Variants in CAPN11 observed in about 807,000 individuals in gnomAD.
CAPN11 encodes the protein calpain 11, also known as calpain-11.
In CAPN11, 108 loss-of-function variants were observed where a neutral mutation model predicts 105.3. The observed-to-expected ratio is 1.03, with a 90% CI of 0.88 to 1.20. CAPN11 has a LOEUF of 1.20. CAPN11 is among the 50% of genes most tolerant of loss of function. CAPN11 has a pLI of 0.00. For missense variants in CAPN11, 883 were observed against 924.8 expected (o/e 0.95, Z 0.59); for synonymous variants, 329 against 344.5 (o/e 0.96, Z 0.50).
At chr6:44,171,536 G>A (rs1265776151) in intron 4 of CAPN11, among the ~76,000 whole-genome samples, 3 of 152,174 alleles carry the variant, frequency 2.0e-5, no homozygotes, top group Non-Finnish European at 4.4e-5. Flanking sequence ...CTCAAAGAAA[G>A]CAGGTTACTG....
chr6:44,173,726 C>G (rs1213161979), intron 7 of CAPN11, among the ~76,000 whole-genome samples: 1 of 151,794 alleles, frequency 6.6e-6, no homozygotes, highest in Non-Finnish European at 1.5e-5. Flanking sequence ...GGGATTACAG[C>G]CGTGTGCCAC....
intron 15 of CAPN11, 27 bp from the exon 16 acceptor site, chr6:44,180,570 G>T (rs368909984): frequency 2.2e-5 from 35 of 1,613,658 alleles, no homozygotes; most frequent in Non-Finnish European, 2.9e-5. Context: ...TTCTGACCAG[G>T]TCCCTTTCCT....
At chr6:44,166,893 T>C in intron 2 of CAPN11, 64 bp downstream of exon 2, 1 of 1,103,716 alleles carries the variant, frequency 9.1e-7, no homozygotes, top group Non-Finnish European at 1.3e-6. Flanking sequence ...TTCACTCTCT[T>C]CTCTTCCCCT....
intron 4 of CAPN11, among the ~76,000 whole-genome samples, chr6:44,170,981 G>T (rs898138675): frequency 2.6e-4 from 39 of 152,132 alleles, no homozygotes; most frequent in African/African-American, 9.4e-4. Flanking sequence ...GCAAGGTGTG[G>T]GCAGAGCAGA....
chr6:44,172,897 T>C, intron 5 of CAPN11, 43 bp from the exon 6 acceptor site: 5 of 1,600,758 alleles, frequency 3.1e-6, no homozygotes, highest in South Asian at 1.1e-5. Flanking sequence ...AGGCGCTTGA[T>C]GATAGGGTTC....
chr6:44,181,084 C>G, intron 18 of CAPN11, 87 bp downstream of exon 18: 1 of 1,294,826 alleles, frequency 7.7e-7, no homozygotes, highest in South Asian at 1.2e-5. Flanking sequence ...GCCACGTCCT[C>G]CTCCCTGATG....
chr6:44,176,868 C>T lies in CAPN11; in HGVS notation c.1107C>T (p.Phe369=). ...CCTACCAAGATTTCCTGAACAACTT[C>T]ACGCTCCTGGAGATCTGCAACCTCA... ...WMSYQDFLNN[F]TLLEICNLTP... Residue 369 remains phenylalanine, a synonymous_variant, in exon 11 of 23, where the codon TTC becomes TTT. Transcript: ENST00000398776. 1 of 1,613,948 alleles carries T rather than the reference C, an allele frequency of 6.2e-7. No homozygotes were observed. The highest frequency in any genetic ancestry group is 1.1e-5 in the South Asian group (1 of 91,076).
intron 1 of CAPN11, among the ~76,000 whole-genome samples, chr6:44,161,535 A>G (rs1768806573): frequency 6.6e-6 from 1 of 152,166 alleles, no homozygotes; most frequent in South Asian, 2.1e-4. Context: ...GGTGGTGTGG[A>G]TAGGTGTGTC....
chr6:44,166,457 A>G (rs1769869709), intron 1 of CAPN11, among the ~76,000 whole-genome samples: 1 of 152,140 alleles, frequency 6.6e-6, no homozygotes, highest in South Asian at 2.1e-4. Context: ...CGTGCCTGGC[A>G]CAGAGAAGGT....
chr6:44,160,720 T>C (rs1768629946), intron 1 of CAPN11, among the ~76,000 whole-genome samples: 1 of 152,222 alleles, frequency 6.6e-6, no homozygotes, highest in South Asian at 2.1e-4. Context: ...GAAAGCTTCC[T>C]GTCCATTCAT....
rs1774205853 is a variant in CAPN11, at chr6:44,184,088, C to T, written c.*156C>T. On this transcript the variant is annotated 3_prime_UTR_variant, in exon 23 of 23. Coordinates refer to ENST00000398776, the MANE Select transcript of CAPN11 (RefSeq NM_007058.4). ...GCCCGGGTCCCAGGTGCCGTGTTTA[C>T]TGCAGCAGTGGGACCTCCGTGCCCA... 1.3e-6 allele frequency: 1 copy of T among 748,240 alleles called. No individual in the cohort carries two copies. The allele number at this position is 748,240 out of a possible 1,614,324, so 46.4% of individuals were successfully genotyped here.
chr6:44,159,872 C>T (rs963712229), intron 1 of CAPN11, among the ~76,000 whole-genome samples: 2 of 151,934 alleles, frequency 1.3e-5, no homozygotes, highest in South Asian at 2.1e-4. Context: ...CAGTGGTTCA[C>T]GCCTGTAATC....
intron 12 of CAPN11, among the ~76,000 whole-genome samples, chr6:44,178,404 C>T (rs528082293): frequency 1.6e-4 from 24 of 152,252 alleles, no homozygotes; most frequent in Admixed American, 2.0e-4. Context: ...TTTCCCAAGC[C>T]AAACCATGCT....
At position 44,183,620 on chromosome 6, in the gene CAPN11, G is replaced by A. The variant is rs1489412471; in HGVS notation, c.2135-85G>A. The A allele has an allele frequency of 1.3e-5, 16 of 1,265,650 alleles. 1 individual carries two copies. The highest frequency in any genetic ancestry group is 5.5e-5 in the Admixed American group (3 of 54,194). 78.4% of individuals were successfully genotyped at this position (1,265,650 alleles called of 1,614,324 possible). A position where few individuals can be genotyped will look rare whatever the true frequency, so the allele number is the denominator to read the frequency against. ...GGAACAGCCAGGAACACCTGGTGTC[G>A]CCCCTTCCTACCTAGTTGGGAGTGG... On this transcript the variant is annotated intron_variant, in intron 21 of 22. Transcript: ENST00000398776.
In CAPN11 at chr6:44,180,135, G is replaced by T. The variant is rs745522141; in HGVS notation, c.1612G>T (p.Val538Phe). Residue 538 changes from valine (V) to phenylalanine (F), a missense_variant, in exon 14 of 23, where the codon GTC becomes TTC. Transcript: ENST00000398776. ...PHRDADFLLR[V>F]FTEKHSESWE... ...CAGAGATGCTGACTTCCTGCTTCGGGTCTTCACCGAGAAGCACAGCGAGTC... is the reference window on the plus strand; with the variant it reads ...CAGAGATGCTGACTTCCTGCTTCGGTTCTTCACCGAGAAGCACAGCGAGTC... 15 of 1,612,922 alleles carry T rather than the reference G, an allele frequency of 9.3e-6. No individual in the cohort carries two copies. The highest frequency in any genetic ancestry group is 1.2e-5 in the Non-Finnish European group (14 of 1,179,574).
rs1369370656 is a variant in CAPN11, at chr6:44,176,490, C to G, written c.1002-91C>G. On this transcript the variant is annotated intron_variant, in intron 9 of 22. Transcript: ENST00000398776. ...CCATCTAGCTCCGCACCCCAGCAGG[C>G]AGACATTCAGGGAAGAGGCAGTCCC... 2.2e-6 allele frequency: 3 copies of G among 1,352,096 alleles called. No homozygotes were observed. In the East Asian group the frequency reaches 6.9e-5, roughly 31 times the overall value. The allele number at this position is 1,352,096 out of a possible 1,614,324, so 83.8% of individuals were successfully genotyped here.
chr6:44,168,325 G>C (rs909010875), intron 2 of CAPN11, among the ~76,000 whole-genome samples: 1 of 151,776 alleles, frequency 6.6e-6, no homozygotes, highest in African/African-American at 2.4e-5. Context: ...GCTAGAGTTC[G>C]GTGGCACCAT....
At chr6:44,168,021 A>T (rs1770263945) in intron 2 of CAPN11, among the ~76,000 whole-genome samples, 1 of 139,276 alleles carries the variant, frequency 7.2e-6, no homozygotes, top group Middle Eastern at 3.3e-3. Context: ...TCTGCCTCTT[A>T]AAAAAAAATG....
intron 7 of CAPN11, 28 bp from the exon 8 acceptor site, chr6:44,176,040 A>G (rs750016972): frequency 6.1e-5 from 95 of 1,544,862 alleles, no homozygotes; most frequent in Non-Finnish European, 8.4e-5. Flanking sequence ...CATGCCCTCC[A>G]TGCTCTCCCT....
Sources: allele counts gnomAD v4.1 joint callset (sites outside exome capture counted in the v4.1 genomes callset), GRCh38; gene constraint gnomAD v4.1.1; transcripts MANE v1.5; gene names NCBI Gene and HGNC (gene_info 2026-07-23, HGNC 2026-07-21).